Variants in VPS53 observed in about 807,000 individuals in gnomAD.
The protein encoded by VPS53 is VPS53 subunit of GARP complex.
In VPS53, 70 loss-of-function variants were observed where a neutral mutation model predicts 107.0. That is an observed-to-expected ratio of 0.65 (90% CI 0.54 to 0.80). The LOEUF is 0.80. VPS53 is among the 30% of genes least tolerant of loss of function. The probability of loss-of-function intolerance (pLI) is 0.00; values close to 1 mark genes in which losing one functional copy is unlikely to be tolerated. For synonymous variants in VPS53, 409 were observed against 393.3 expected (o/e 1.04, Z -0.47); for missense variants, 917 against 1,049.4 (o/e 0.87, Z 1.74).
intron 11 of VPS53, among the ~76,000 whole-genome samples, chr17:609,947 G>A (rs1968771719): frequency 6.6e-6 from 1 of 152,066 alleles, no homozygotes. Flanking sequence ...GGCTAACATG[G>A]TGAAACCGTC....
At chr17:669,592 T>TAAAAAAAA (rs200157618) in intron 4 of VPS53, among the ~76,000 whole-genome samples, 4 of 110,230 alleles carry the variant, frequency 3.6e-5, no homozygotes, top group African/African-American at 6.6e-5. Context: ...TACTCTGTCT[T>TAAAAAAAA]AAAAAAAAAA....
rs1165937355 is a variant in VPS53 at position 519,574 on chromosome 17, C to T, written c.2328+252G>A. Among the ~76,000 whole-genome samples, 1 of 152,212 alleles carries T rather than the reference C, an allele frequency of 6.6e-6. No homozygotes were observed. The highest frequency in any genetic ancestry group is 2.4e-5 in the African/African-American group (1 of 41,444). ...GTGGGAAGGACAACATGCCTGTCCT[C>T]ATCCCCCTGCCCCTGCCCCATCCTC... On this transcript the variant is annotated intron_variant, in intron 21 of 21. Coordinates refer to ENST00000437048, the MANE Select transcript of VPS53 (RefSeq NM_001128159.3). The surrounding 1 kb of genome is among the most constrained non-coding windows in gnomAD (Gnocchi z 5.0).
intron 17 of VPS53, among the ~76,000 whole-genome samples, chr17:542,527 G>A (rs1191090475): frequency 3.9e-5 from 6 of 152,124 alleles, no homozygotes; most frequent in East Asian, 1.9e-4. Context: ...CTCGCAGCAC[G>A]TATAAATTCC....
chr17:699,860 C>A (rs1191626336), intron 2 of VPS53, among the ~76,000 whole-genome samples: 2 of 152,164 alleles, frequency 1.3e-5, no homozygotes, highest in Non-Finnish European at 2.9e-5. Flanking sequence ...AAGCCAGACA[C>A]AAGGGGACAG....
chr17:575,041 G>T (rs1476374734), intron 13 of VPS53, among the ~76,000 whole-genome samples: 1 of 152,206 alleles, frequency 6.6e-6, no homozygotes, highest in Non-Finnish European at 1.5e-5. Context: ...TGCCTGCTGG[G>T]CACGTGCCCA....
chr17:690,773 A>G (rs774038571), intron 4 of VPS53, among the ~76,000 whole-genome samples: 2 of 147,554 alleles, frequency 1.4e-5, no homozygotes, highest in Non-Finnish European at 3.1e-5. Flanking sequence ...AACAATGTCT[A>G]CAATCAAAAA....
chr17:527,437 T>C (rs1430796619), intron 19 of VPS53, among the ~76,000 whole-genome samples: 1 of 152,186 alleles, frequency 6.6e-6, no homozygotes, highest in Non-Finnish European at 1.5e-5. Context: ...AAAGTCCTCA[T>C]TTCTCTAGGG....
chr17:628,319 G>GGCGAC, intron 8 of VPS53, 88 bp from the exon 9 acceptor site: 1 of 1,490,384 alleles, frequency 6.7e-7, no homozygotes, highest in Admixed American at 2.0e-5. Context: ...TTATCTCTAC[G>GGCGAC]CATTGTCAGT....
intron 7 of VPS53, among the ~76,000 whole-genome samples, chr17:644,631 T>C (rs1970607389): frequency 6.6e-6 from 1 of 151,942 alleles, no homozygotes; most frequent in Non-Finnish European, 1.5e-5. Context: ...TTGCCCAGGC[T>C]GGAGTGCAGT....
chr17:638,775 C>T (rs968460032), intron 7 of VPS53, among the ~76,000 whole-genome samples: 2 of 152,168 alleles, frequency 1.3e-5, no homozygotes, highest in Non-Finnish European at 1.5e-5. Context: ...GAGTTTCTGC[C>T]GAAAGATCCG....
At chr17:589,132 G>A (rs1052737694) in intron 12 of VPS53, among the ~76,000 whole-genome samples, 10 of 151,042 alleles carry the variant, frequency 6.6e-5, no homozygotes, top group African/African-American at 1.9e-4. Flanking sequence ...ACACTCTGCA[G>A]GATAACTTCT....
At chr17:590,462 C>T (rs1243398993) in intron 12 of VPS53, among the ~76,000 whole-genome samples, 2 of 151,350 alleles carry the variant, frequency 1.3e-5, no homozygotes, top group Non-Finnish European at 3.0e-5. Context: ...TGCCAGTTTT[C>T]AAAGGGAATG....
intron 12 of VPS53, among the ~76,000 whole-genome samples, chr17:599,462 G>A (rs913442363): frequency 9.9e-5 from 15 of 151,304 alleles, no homozygotes; most frequent in African/African-American, 3.6e-4. Flanking sequence ...CCCCAACCCT[G>A]TGCTCTCTGA....
intron 7 of VPS53, among the ~76,000 whole-genome samples, chr17:638,946 G>C (rs1970313190): frequency 6.6e-6 from 1 of 152,150 alleles, no homozygotes; most frequent in African/African-American, 2.4e-5. Context: ...TGTATTTCCT[G>C]AATTTGAATG....
At chr17:622,049 T>C (rs1969488233) in intron 11 of VPS53, among the ~76,000 whole-genome samples, 1 of 151,892 alleles carries the variant, frequency 6.6e-6, no homozygotes, top group South Asian at 2.1e-4. Context: ...CCGTCTCTAC[T>C]AAAAATACAA....
Position 519,266 on chromosome 17 carries a change from C to A in VPS53, c.2361G>T (p.Leu787=). Residue 787 remains leucine, a synonymous_variant, in exon 22 of 22, where the codon CTG becomes CTT. Transcript: ENST00000437048. This position sits in a 1 kb window ranked among gnomAD's most constrained non-coding sequence, Gnocchi z 5.0. ...CGGGGAGCCGCTGGCGCAGGAGTTCCAGCATGCTGCTCTGCTCACTCCTCT... is the reference window on the plus strand; with the variant it reads ...CGGGGAGCCGCTGGCGCAGGAGTTCAAGCATGCTGCTCTGCTCACTCCTCT... The part of the protein sequence containing the change: ...GLKRSEQSSM[L]ELLRQRLPAP... 1 of 1,534,160 alleles carries A rather than the reference C, an allele frequency of 6.5e-7. No homozygotes were observed. The highest frequency in any genetic ancestry group is 8.8e-7 in the Non-Finnish European group (1 of 1,139,716).
intron 7 of VPS53, among the ~76,000 whole-genome samples, chr17:643,967 AC>A (rs1483101396): frequency 6.6e-6 from 1 of 152,170 alleles, no homozygotes; most frequent in Non-Finnish European, 1.5e-5. Flanking sequence ...AGCCTTTCTC[AC>A]ATTTATAAGA....
At chr17:619,828 GC>G (rs1204108981) in intron 11 of VPS53, among the ~76,000 whole-genome samples, 1 of 110,886 alleles carries the variant, frequency 9.0e-6, no homozygotes, top group Non-Finnish European at 1.8e-5. Flanking sequence ...GCACCACCAC[GC>G]CCCGCTAATA....
intron 17 of VPS53, among the ~76,000 whole-genome samples, chr17:547,263 T>C (rs1003586106): frequency 5.3e-5 from 8 of 152,110 alleles, no homozygotes; most frequent in African/African-American, 1.7e-4. Context: ...AATTAGAAAG[T>C]AGAAATAACT....
Sources: allele counts gnomAD v4.1 joint callset (sites outside exome capture counted in the v4.1 genomes callset), GRCh38; gene constraint gnomAD v4.1.1; non-coding constraint Gnocchi (gnomAD v3.1); transcripts MANE v1.5; gene names NCBI Gene and HGNC (gene_info 2026-07-23, HGNC 2026-07-21).